Variants in HIPK2 observed in about 807,000 individuals in gnomAD.
HIPK2 encodes the protein homeodomain interacting protein kinase 2, also known as homeodomain-interacting protein kinase 2.
HIPK2 carries 27 observed loss-of-function variants against 113.7 expected under a neutral mutation model. That is an observed-to-expected ratio of 0.24 (90% CI 0.17 to 0.33). The LOEUF is 0.33. Among genes scored for constraint, HIPK2 ranks in the 10% least tolerant of loss-of-function variants. The pLI, the probability that HIPK2 is intolerant of heterozygous loss-of-function variation, is 1.00. For synonymous variants in HIPK2, 631 were observed against 642.2 expected (o/e 0.98, Z 0.26); for missense variants, 1,257 against 1,588.0 (o/e 0.79, Z 3.54).
chr7:139,725,130 G>T (rs1481239409), intron 1 of HIPK2, among the ~76,000 whole-genome samples: 1 of 152,186 alleles, frequency 6.6e-6, no homozygotes, highest in Non-Finnish European at 1.5e-5. Context: ...CATCGTCACC[G>T]ACCTAAAGGA....
Position 139,575,238 on chromosome 7 carries a change from C to T in HIPK2, c.3016G>A (p.Val1006Met), listed in dbSNP as rs376379874. ...GAAGAGTGACCGCTGGTGGAGGTCA[C>T]GTTGCTGGAGGACTTGGACTTGTAG... The part of the protein sequence containing the change: ...SSYKSKSSSN[V>M]TSTSGHSSGS... Residue 1006 changes from valine (V) to methionine (M), a missense_variant, in exon 14 of 15, where the codon GTG becomes ATG. Physicochemically the swap from Val to Met is conservative, Grantham distance 21 (BLOSUM62 1). Coordinates refer to ENST00000406875, the MANE Select transcript of HIPK2 (RefSeq NM_022740.5). The T allele has an allele frequency of 8.9e-6, 14 of 1,580,226 alleles. No homozygotes were observed. Among genetic ancestry groups the T allele is most frequent in the African/African-American group, 5.4e-5 (4 of 74,336 alleles).
intron 7 of HIPK2, among the ~76,000 whole-genome samples, chr7:139,616,002 A>T (rs7777632): frequency 0.01 from 1,567 of 151,900 alleles, 27 homozygotes; most frequent in African/African-American, 0.035. Context: ...CCATATCGCG[A>T]TCTCTTCCGG....
chr7:139,645,460 C>T (rs1195598116), intron 2 of HIPK2, among the ~76,000 whole-genome samples: 1 of 152,120 alleles, frequency 6.6e-6, no homozygotes, highest in Non-Finnish European at 1.5e-5. Flanking sequence ...AGGGATATTC[C>T]AATAAAACAG....
chr7:139,631,784 A>G lies in HIPK2; in HGVS notation c.1104-59T>C. 1 of 1,551,584 alleles carries G rather than the reference A, an allele frequency of 6.4e-7. No individual in the cohort carries two copies. Among genetic ancestry groups the G allele is most frequent in the Non-Finnish European group, 8.7e-7 (1 of 1,148,064 alleles). On this transcript the variant is annotated intron_variant, in intron 2 of 14. Coordinates refer to ENST00000406875, the MANE Select transcript of HIPK2 (RefSeq NM_022740.5). The surrounding 1 kb of genome is among the most constrained non-coding windows in gnomAD (Gnocchi z 4.9). ...GTTGGAAATGCAGGAAGCTGTTTCTATATGAATACTATCTTTCAAACCTGG... is the reference window on the plus strand; with the variant it reads ...GTTGGAAATGCAGGAAGCTGTTTCTGTATGAATACTATCTTTCAAACCTGG...
intron 1 of HIPK2, among the ~76,000 whole-genome samples, chr7:139,763,488 G>T (rs1226314398): frequency 5.2e-5 from 3 of 57,970 alleles, no homozygotes; most frequent in African/African-American, 7.4e-5. Flanking sequence ...CCCCCCACAC[G>T]CCCCTCCCAC....
rs552342698 is a variant in HIPK2, at chr7:139,731,214, C to T, written c.20-14199G>A. Among the ~76,000 whole-genome samples the T allele has an allele frequency of 6.6e-5, 10 of 152,350 alleles. No homozygotes were observed. The South Asian group carries it at 1.7e-3, about 25-fold the overall frequency. On this transcript the variant is annotated intron_variant, in intron 1 of 14. Transcript: ENST00000406875. The stretch of plus-strand genomic sequence containing the variant: ...TATAACAATCGCAAAGTGACGCTGG[C>T]CAAATGGCAGGTTGCCCTCTCAGCC...
intron 5 of HIPK2, among the ~76,000 whole-genome samples, chr7:139,628,697 G>A (rs1328903326): frequency 6.6e-6 from 1 of 152,198 alleles, no homozygotes; most frequent in East Asian, 1.9e-4. Context: ...GCCTCCCAAA[G>A]TGCTAGGATT....
intron 1 of HIPK2, among the ~76,000 whole-genome samples, chr7:139,772,543 C>T (rs932998629): frequency 3.3e-5 from 5 of 149,350 alleles, no homozygotes; most frequent in African/African-American, 1.0e-4. Flanking sequence ...TTTGAGTCTA[C>T]GTAAAGAAAA....
At chr7:139,610,112 TC>T in intron 9 of HIPK2, among the ~76,000 whole-genome samples, 1 of 152,310 alleles carries the variant, frequency 6.6e-6, no homozygotes, top group Admixed American at 6.5e-5. Context: ...AAGGTAAAGT[TC>T]TCCCCTGCTA....
chr7:139,584,498 C>T (rs113119312), intron 12 of HIPK2, among the ~76,000 whole-genome samples: 87 of 152,316 alleles, frequency 5.7e-4, no homozygotes, highest in African/African-American at 2.0e-3. Flanking sequence ...GAGTAAACCT[C>T]GCTGGGAGAA....
intron 12 of HIPK2, among the ~76,000 whole-genome samples, chr7:139,590,965 T>TACG (rs1799000378): frequency 6.6e-6 from 1 of 152,190 alleles, no homozygotes; most frequent in Non-Finnish European, 1.5e-5. Flanking sequence ...CCATCTCAGC[T>TACG]TCCCAAGTAG....
chr7:139,636,243 C>T (rs1800809116), intron 2 of HIPK2, among the ~76,000 whole-genome samples: 1 of 151,872 alleles, frequency 6.6e-6, no homozygotes, highest in Admixed American at 6.6e-5. Context: ...TCTGTCCCGC[C>T]TCTCTGCTTG....
chr7:139,717,989 C>T (rs1795298645), intron 1 of HIPK2, among the ~76,000 whole-genome samples: 1 of 152,124 alleles, frequency 6.6e-6, no homozygotes, highest in Admixed American at 6.5e-5. Context: ...GGTGATCCAC[C>T]CGCCTCAGCC....
intron 2 of HIPK2, among the ~76,000 whole-genome samples, chr7:139,676,760 C>T (rs529347946): frequency 2.6e-5 from 4 of 152,060 alleles, no homozygotes; most frequent in African/African-American, 2.4e-5. Context: ...AGTAGGTACT[C>T]GAAAAACATG....
intron 1 of HIPK2, among the ~76,000 whole-genome samples, chr7:139,719,009 C>T (rs915327790): frequency 6.6e-6 from 1 of 152,202 alleles, no homozygotes. Context: ...TTAACCTCTG[C>T]AACATCTGAT....
intron 1 of HIPK2, among the ~76,000 whole-genome samples, chr7:139,768,089 C>T (rs1569486149): frequency 6.6e-6 from 1 of 152,168 alleles, no homozygotes. Flanking sequence ...CAGTTCCAAG[C>T]GGAGGTGGGA....
chr7:139,655,316 C>G (rs1201738611), intron 2 of HIPK2, among the ~76,000 whole-genome samples: 1 of 152,236 alleles, frequency 6.6e-6, no homozygotes, highest in African/African-American at 2.4e-5. Context: ...GATAAACAAA[C>G]AAATGTCAGT....
chr7:139,589,617 T>C (rs1334154445), intron 12 of HIPK2, among the ~76,000 whole-genome samples: 2 of 152,222 alleles, frequency 1.3e-5, no homozygotes, highest in African/African-American at 4.8e-5. Context: ...ACTGAGCTTC[T>C]TGTCACTGAA....
chr7:139,756,777 GT>G (rs1434204889), intron 1 of HIPK2, among the ~76,000 whole-genome samples: 1 of 152,166 alleles, frequency 6.6e-6, no homozygotes, highest in Non-Finnish European at 1.5e-5. Flanking sequence ...TGAGTGGAAG[GT>G]ACAGGGAGTT....
Sources: gnomAD v4.1 joint callset for allele counts (sites outside exome capture counted in the v4.1 genomes callset) on GRCh38, gnomAD v4.1.1 for gene constraint, Gnocchi (gnomAD v3.1) non-coding constraint, MANE v1.5 for transcripts, NCBI Gene and HGNC (gene_info 2026-07-23, HGNC 2026-07-21) for gene names.